The following OSBPL11 variants were observed in gnomAD, a reference collection of about 807,000 sequenced individuals.
The protein encoded by OSBPL11 is oxysterol-binding protein-related protein 11.
OSBPL11 carries 33 observed loss-of-function variants against 84.4 expected under a neutral mutation model. The ratio of observed to expected loss-of-function variants is 0.39; its 90% CI spans 0.30 to 0.52. The LOEUF (loss-of-function observed/expected upper bound fraction) is 0.52. OSBPL11 is among the 20% of genes least tolerant of loss of function. OSBPL11 has a pLI of 0.72. For missense variants in OSBPL11, 736 were observed against 901.1 expected, an observed-to-expected ratio of 0.82 and a Z score of 2.35; for synonymous variants, 276 against 310.2, an observed-to-expected ratio of 0.89 and a Z score of 1.16.
intron 3 of OSBPL11, 28 bp from the exon 4 acceptor site, chr3:125,579,067 A>T: frequency 6.9e-7 from 1 of 1,453,528 alleles, no homozygotes; most frequent in Non-Finnish European, 9.4e-7. Context: ...AAATTATTTT[A>T]TATTTATTTA....
Position 125,594,796 on chromosome 3 carries a change from T to A in OSBPL11, c.5A>T (p.Gln2Leu), listed in dbSNP as rs1316240357. 3 of 1,613,344 alleles carry A rather than the reference T, an allele frequency of 1.9e-6. No homozygotes were observed. The highest frequency in any genetic ancestry group is 2.2e-5 in the South Asian group (2 of 91,064). The change falls in exon 1 of 13, where the codon CAG becomes CTG. Residue 2 changes from glutamine to leucine, a missense_variant. Physicochemically the swap from Gln to Leu is moderately radical, Grantham distance 113. Transcript: ENST00000296220. M[Q>L]GGEPVSTMKV... The stretch of plus-strand genomic sequence containing the variant: ...CATTGTGGACACTGGTTCACCCCCC[T>A]GCATCTTAACGCCAAAGTCCACTTG...
In OSBPL11 at chr3:125,529,557, CAG is replaced by C. The variant is rs1387970221; in HGVS notation, c.*956_*957del. 8.6e-5 allele frequency: 13 copies of C among 151,910 alleles called. No homozygotes were observed. Among genetic ancestry groups the C allele is most frequent in the African/African-American group, 2.9e-4 (12 of 41,374 alleles). 9.4% of individuals were successfully genotyped at this position (151,910 alleles called of 1,614,324 possible). A position where few individuals can be genotyped will look rare whatever the true frequency, so the allele number is the denominator to read the frequency against. ...TAGAATCATTTATTTTAATTTTTAA[CAG>C]AGGTAAAATAAAGCATACTTATCCA... On this transcript the variant is annotated 3_prime_UTR_variant, in exon 13 of 13. Coordinates refer to ENST00000296220, the MANE Select transcript of OSBPL11 (RefSeq NM_022776.5).
At chr3:125,559,068 T>A (rs540178515) in intron 8 of OSBPL11, among the ~76,000 whole-genome samples, 13 of 152,338 alleles carry the variant, frequency 8.5e-5, no homozygotes, top group Non-Finnish European at 1.3e-4. Flanking sequence ...CAATCCAGTA[T>A]ATTGTCTATG....
intron 1 of OSBPL11, among the ~76,000 whole-genome samples, chr3:125,583,762 T>C (rs1000521289): frequency 1.2e-4 from 18 of 151,996 alleles, no homozygotes; most frequent in African/African-American, 4.3e-4. Context: ...ATAAGAATAA[T>C]AAATAAAGCC....
At chr3:125,584,790 C>T (rs1936482249) in intron 1 of OSBPL11, among the ~76,000 whole-genome samples, 1 of 152,154 alleles carries the variant, frequency 6.6e-6, no homozygotes, top group African/African-American at 2.4e-5. Flanking sequence ...AATACATCAT[C>T]TTTATTTAGT....
chr3:125,560,674 A>G (rs570187387), intron 7 of OSBPL11, among the ~76,000 whole-genome samples, 155 bp from the exon 8 acceptor site: 2 of 152,360 alleles, frequency 1.3e-5, no homozygotes, highest in African/African-American at 4.8e-5. Context: ...CTATTTGTCC[A>G]TGGTATAAAT....
chr3:125,573,025 GTA>G (rs1215565872), intron 5 of OSBPL11, among the ~76,000 whole-genome samples: 2 of 148,426 alleles, frequency 1.3e-5, no homozygotes, highest in Non-Finnish European at 3.0e-5. Flanking sequence ...GTGTGTGTGT[GTA>G]TATATATATA....
At chr3:125,575,249 G>T (rs1211463320) in intron 5 of OSBPL11, among the ~76,000 whole-genome samples, 1 of 151,902 alleles carries the variant, frequency 6.6e-6, no homozygotes, top group African/African-American at 2.4e-5. Flanking sequence ...TTATTAACTA[G>T]AATTATTTGG....
At chr3:125,579,834 C>A in intron 3 of OSBPL11, 31 bp downstream of exon 3, 1 of 1,599,832 alleles carries the variant, frequency 6.3e-7, no homozygotes, top group Non-Finnish European at 8.5e-7. Context: ...AGAGGAAAAT[C>A]ACAGTATTAA....
At position 125,551,733 on chromosome 3, in the gene OSBPL11, G is replaced by A. The variant is rs533174042; in HGVS notation, c.1654+448C>T. 2.0e-5 allele frequency among the ~76,000 whole-genome samples: 3 copies of A among 151,998 alleles called. No homozygotes were observed. In the South Asian group the frequency reaches 6.2e-4, roughly 32 times the overall value. ...GCGGAGTTTGCAGTGAGCGGAGATA[G>A]CACCATTGCACTCCAGCCTGGATGA... On this transcript the variant is annotated intron_variant, in intron 9 of 12. Coordinates refer to ENST00000296220, the MANE Select transcript of OSBPL11 (RefSeq NM_022776.5).
At chr3:125,572,808 T>C (rs1936261263) in intron 5 of OSBPL11, among the ~76,000 whole-genome samples, 1 of 145,562 alleles carries the variant, frequency 6.9e-6, no homozygotes. Context: ...ACTAATTATA[T>C]ATATATATAT....
intron 10 of OSBPL11, 70 bp downstream of exon 10, chr3:125,547,336 A>G: frequency 7.6e-7 from 1 of 1,309,424 alleles, no homozygotes; most frequent in Non-Finnish European, 1.1e-6. Flanking sequence ...GAGCAGAAAA[A>G]GAATAAGGAG....
At chr3:125,558,325 T>C (rs889537854) in intron 8 of OSBPL11, among the ~76,000 whole-genome samples, 2 of 152,190 alleles carry the variant, frequency 1.3e-5, no homozygotes, top group African/African-American at 2.4e-5. Flanking sequence ...CAGAAGACTA[T>C]TCATTTTTAA....
intron 2 of OSBPL11, among the ~76,000 whole-genome samples, chr3:125,581,534 A>G (rs1276155893): frequency 6.6e-6 from 1 of 151,236 alleles, no homozygotes; most frequent in African/African-American, 2.4e-5. Flanking sequence ...CGTCTCTACT[A>G]AAATACAAAA....
chr3:125,564,785 G>C (rs1327354194), intron 6 of OSBPL11, among the ~76,000 whole-genome samples: 1 of 151,840 alleles, frequency 6.6e-6, no homozygotes, highest in African/African-American at 2.4e-5. Context: ...CTCCCGGGTA[G>C]CTGGGACTAC....
chr3:125,573,708 T>C lies in OSBPL11; in HGVS notation c.666+2481A>G, dbSNP rs527852679. Among the ~76,000 whole-genome samples the C allele has an allele frequency of 2.0e-5, 3 of 151,504 alleles. No homozygotes were observed. The East Asian group carries it at 5.8e-4, about 29-fold the overall frequency. ...AGAAACCCCATCTCTACTAAAAAAATACAAAATTAGCCGGGCATGGTGGAT... is the reference window on the plus strand; with the variant it reads ...AGAAACCCCATCTCTACTAAAAAAACACAAAATTAGCCGGGCATGGTGGAT... On this transcript the variant is annotated intron_variant, in intron 5 of 12. Transcript: ENST00000296220.
chr3:125,567,673 C>A, intron 5 of OSBPL11, 78 bp from the exon 6 acceptor site: 1 of 1,207,676 alleles, frequency 8.3e-7, no homozygotes, highest in South Asian at 1.4e-5. Flanking sequence ...ATTTTAATTA[C>A]CAGATTCAGC....
intron 6 of OSBPL11, among the ~76,000 whole-genome samples, chr3:125,565,533 C>G (rs910478899): frequency 6.6e-6 from 1 of 152,016 alleles, no homozygotes; most frequent in Non-Finnish European, 1.5e-5. Flanking sequence ...CGTATATTTT[C>G]CAATAACAAC....
intron 10 of OSBPL11, among the ~76,000 whole-genome samples, chr3:125,546,328 C>T (rs1010254235): frequency 1.3e-5 from 2 of 151,384 alleles, no homozygotes; most frequent in South Asian, 4.2e-4. Context: ...CCACCACACT[C>T]GGCCAATTTT....
Sources: gnomAD v4.1 joint callset for allele counts (sites outside exome capture counted in the v4.1 genomes callset) on GRCh38, gnomAD v4.1.1 for gene constraint, MANE v1.5 for transcripts, NCBI Gene and HGNC (gene_info 2026-07-23, HGNC 2026-07-21) for gene names.